The following GRIN1 variants were observed in gnomAD, a reference collection of about 807,000 sequenced individuals.
GRIN1 encodes glutamate ionotropic receptor NMDA type subunit 1.
A neutral mutation model predicts 103.0 loss-of-function variants in GRIN1; 38 were observed. That is an observed-to-expected ratio of 0.37 (90% CI 0.28 to 0.48). The LOEUF (loss-of-function observed/expected upper bound fraction) is 0.48. Ranked by LOEUF, GRIN1 falls within the 20% of genes least tolerant of loss-of-function variation. The pLI is 0.98. For synonymous variants in GRIN1, 544 were observed against 532.7 expected (o/e 1.02, Z -0.29); for missense variants, 577 against 1,288.9 (o/e 0.45, Z 8.46).
chr9:137,167,686 C>G lies in GRIN1; in HGVS notation c.*159C>G. 6.4e-7 allele frequency: 1 copy of G among 1,570,624 alleles called. No homozygotes were observed. The highest frequency in any genetic ancestry group is 8.6e-7 in the Non-Finnish European group (1 of 1,159,588). On this transcript the variant is annotated 3_prime_UTR_variant, in exon 20 of 20. Transcript: ENST00000371561. ...TGCGCCTGCCCGCCCGCCGGTTGGC[C>G]GGCTGGCCGGTCCACCCCGTCCCGG...
intron 6 of GRIN1, among the ~76,000 whole-genome samples, chr9:137,157,517 C>A (rs1275413966): frequency 6.6e-6 from 1 of 152,192 alleles, no homozygotes; most frequent in Non-Finnish European, 1.5e-5. Flanking sequence ...GTGTGGCTGG[C>A]AGCCTTTGGG....
Position 137,162,931 on chromosome 9 carries a change from G to A in GRIN1, c.2099G>A (p.Ser700Asn). The A allele has an allele frequency of 1.2e-6, 2 of 1,610,110 alleles. No individual in the cohort carries two copies. The highest frequency in any genetic ancestry group is 1.7e-6 in the Non-Finnish European group (2 of 1,178,832). Residue 700 changes from serine (S) to asparagine (N), a missense_variant, in exon 15 of 20, where the codon AGC becomes AAC. Coordinates refer to ENST00000371561, the MANE Select transcript of GRIN1 (RefSeq NM_007327.4). ...DIYFRRQVEL[S>N]TMYRHMEKHN... ...TACTTCCGGCGCCAGGTGGAGCTGA[G>A]CACCATGTACCGGCATATGGAGAAG...
At chr9:137,156,279 G>A (rs764221457) in intron 4 of GRIN1, among the ~76,000 whole-genome samples, 28 of 152,312 alleles carry the variant, frequency 1.8e-4, no homozygotes, top group African/African-American at 4.6e-4. Context: ...GGGCGTGCTG[G>A]GGAGCACAGG....
At chr9:137,144,466 AAT>A (rs1832360075) in intron 2 of GRIN1, among the ~76,000 whole-genome samples, 5 of 151,628 alleles carry the variant, frequency 3.3e-5, no homozygotes, top group Non-Finnish European at 5.9e-5. Context: ...CATCCTGGCT[AAT>A]ACGGTGAAAC....
intron 1 of GRIN1, among the ~76,000 whole-genome samples, chr9:137,140,227 A>G (rs1393165946): frequency 6.6e-6 from 1 of 152,060 alleles, no homozygotes; most frequent in Non-Finnish European, 1.5e-5. Context: ...GTGCCACGGC[A>G]GGACGCTTTG....
chr9:137,156,532 G>T, intron 4 of GRIN1, 137 bp from the exon 5 acceptor site: 1 of 1,267,724 alleles, frequency 7.9e-7, no homozygotes, highest in South Asian at 1.4e-5. Context: ...CAGCGCCTCT[G>T]CGAGGTCTGC....
At chr9:137,164,759 C>G (rs1833774101) in intron 18 of GRIN1, 2 of 246,014 alleles carry the variant, frequency 8.1e-6, no homozygotes, top group South Asian at 5.0e-5. Flanking sequence ...ACCTCGACAC[C>G]TGCCTCCAGC....
In GRIN1 at chr9:137,162,778, A is replaced by G. The variant is rs1425038741; in HGVS notation, c.2013+39A>G. 1.9e-6 allele frequency: 3 copies of G among 1,601,676 alleles called. No individual in the cohort carries two copies. The African/African-American group carries it at 4.0e-5, about 21-fold the overall frequency. ...GGGCTGGGGGAGGGAATGCGAGGTG[A>G]GCTGGGGTCGGCCTCGGTTAGGGGC... On this transcript the variant is annotated intron_variant, in intron 14 of 19. Transcript: ENST00000371561.
intron 3 of GRIN1, chr9:137,148,266 G>A (rs1470557538): frequency 7.1e-6 from 9 of 1,273,578 alleles, no homozygotes; most frequent in Admixed American, 6.2e-5. Context: ...CCCTGGCCTC[G>A]GCGCCTCGGC....
rs201843940 is a variant in GRIN1 at position 137,139,282 on chromosome 9, G to A, written c.-205G>A. Reference sequence around the variant, plus strand: ...CGCTTCAGCACCGCGGACAGCGCCGGCCGCGTGGGGCTGAGCCCCGAGCCC... The same window carrying A: ...CGCTTCAGCACCGCGGACAGCGCCGACCGCGTGGGGCTGAGCCCCGAGCCC... On this transcript the variant is annotated 5_prime_UTR_variant, in exon 1 of 20. Transcript: ENST00000371561. The surrounding 1 kb of genome is among the most constrained non-coding windows in gnomAD (Gnocchi z 7.7). 37 of 210,218 alleles carry A rather than the reference G, an allele frequency of 1.8e-4. 1 individual carries two copies. The highest frequency in any genetic ancestry group is 1.5e-4 in the Non-Finnish European group (16 of 107,800). The allele number at this position is 210,218 out of a possible 1,614,324, so 13.0% of individuals were successfully genotyped here.
At chr9:137,148,464 C>A (rs186676732) in intron 3 of GRIN1, among the ~76,000 whole-genome samples, 1 of 152,174 alleles carries the variant, frequency 6.6e-6, no homozygotes, top group Non-Finnish European at 1.5e-5. Context: ...AGCTGCTCTC[C>A]GGGAAGTGCA....
chr9:137,143,764 A>T (rs1297885404), intron 2 of GRIN1, among the ~76,000 whole-genome samples: 2 of 152,234 alleles, frequency 1.3e-5, no homozygotes, highest in African/African-American at 4.8e-5. Flanking sequence ...GCACTGCCCC[A>T]GGCCACAAAG....
intron 2 of GRIN1, among the ~76,000 whole-genome samples, chr9:137,144,229 A>G (rs1287622293): frequency 6.6e-6 from 1 of 151,220 alleles, no homozygotes; most frequent in African/African-American, 2.4e-5. Context: ...CCAACACTAA[A>G]CCTCCTCCAT....
chr9:137,167,671 C>T lies in GRIN1; in HGVS notation c.*144C>T, dbSNP rs1833954710. ...CAGCCTCCCCCAGGCTGCGCCTGCC[C>T]GCCCGCCGGTTGGCCGGCTGGCCGG... On this transcript the variant is annotated 3_prime_UTR_variant, in exon 20 of 20. Transcript: ENST00000371561. 6.5e-7 allele frequency: 1 copy of T among 1,535,948 alleles called. No homozygotes were observed. The highest frequency in any genetic ancestry group is 1.4e-5 in the African/African-American group (1 of 72,162).
At position 137,167,693 on chromosome 9, in the gene GRIN1, C is replaced by T; in HGVS notation, c.*166C>T. The T allele has an allele frequency of 1.3e-6, 2 of 1,585,318 alleles. No homozygotes were observed. Among genetic ancestry groups the T allele is most frequent in the Non-Finnish European group, 1.7e-6 (2 of 1,166,346 alleles). ...GCCCGCCCGCCGGTTGGCCGGCTGG[C>T]CGGTCCACCCCGTCCCGGCCCCGCG... On this transcript the variant is annotated 3_prime_UTR_variant, in exon 20 of 20. Transcript: ENST00000371561.
intron 4 of GRIN1, among the ~76,000 whole-genome samples, chr9:137,155,167 G>C (rs1271741159): frequency 6.6e-6 from 1 of 152,230 alleles, no homozygotes; most frequent in Non-Finnish European, 1.5e-5. Flanking sequence ...GTTTACAACT[G>C]TTTTGCTCCT....
chr9:137,158,717 C>T lies in GRIN1; in HGVS notation c.1197+13C>T. 2 of 1,596,832 alleles carry T rather than the reference C, an allele frequency of 1.3e-6. No individual in the cohort carries two copies. Among genetic ancestry groups the T allele is most frequent in the Non-Finnish European group, 1.7e-6 (2 of 1,165,416 alleles). ...CACCAGACTGAAGGTGGGGGCCCCA[C>T]AGACCTCCCTCAGTGTCCCCACCCC... On this transcript the variant is annotated intron_variant, in intron 8 of 19. Transcript: ENST00000371561.
rs1375631395 is a variant in GRIN1, at chr9:137,162,162, C to G, written c.1633-10C>G. 1.3e-6 allele frequency: 2 copies of G among 1,543,920 alleles called. No individual in the cohort carries two copies. Among genetic ancestry groups the G allele is most frequent in the Non-Finnish European group, 8.7e-7 (1 of 1,146,754 alleles). On this transcript the variant is annotated splice_polypyrimidine_tract_variant and intron_variant, in intron 11 of 19. Coordinates refer to ENST00000371561, the MANE Select transcript of GRIN1 (RefSeq NM_007327.4). ...GGCCCGGGCCGCGCTGACCTCGCGT[C>G]CCTCCGCAGGAGATTCCCCGGAGCA...
Position 137,162,858 on chromosome 9 carries a change from T to G in GRIN1, c.2026T>G (p.Ser676Ala). 1 of 1,612,208 alleles carries G rather than the reference T, an allele frequency of 6.2e-7. No homozygotes were observed. The highest frequency in any genetic ancestry group is 8.5e-7 in the Non-Finnish European group (1 of 1,179,682). ...TCCGACCCTGCAGCTGAGGAACCCC[T>G]CGGACAAGTTTATCTACGCCACGGT... is the stretch of plus-strand genomic sequence containing the variant. ...GINDPRLRNP[S>A]DKFIYATVKQ... The change falls in exon 15 of 20, where the codon TCG becomes GCG. Residue 676 changes from serine (S) to alanine (A), a missense_variant. By Grantham distance (99) the Ser-to-Ala change is moderately conservative. Coordinates refer to ENST00000371561, the MANE Select transcript of GRIN1 (RefSeq NM_007327.4).
Sources: allele counts gnomAD v4.1 joint callset (sites outside exome capture counted in the v4.1 genomes callset), GRCh38; gene constraint gnomAD v4.1.1; non-coding constraint Gnocchi (gnomAD v3.1); transcripts MANE v1.5; gene names NCBI Gene and HGNC (gene_info 2026-07-23, HGNC 2026-07-21).